Variants in FREM3 observed in about 807,000 individuals in gnomAD.
FREM3 encodes the protein FRAS1 related extracellular matrix 3, also known as FRAS1-related extracellular matrix protein 3.
Under a neutral mutation model 129.1 loss-of-function variants are expected in FREM3, and 105 were observed. The ratio of observed to expected loss-of-function variants is 0.81; its 90% CI spans 0.69 to 0.96. The LOEUF (loss-of-function observed/expected upper bound fraction) is 0.96, where lower values mean the gene tolerates loss of function less well. Among genes scored for constraint, FREM3 ranks in the 40% least tolerant of loss-of-function variants. The pLI is 0.00. For missense variants in FREM3, 2,593 were observed against 2,666.3 expected (o/e 0.97, Z 0.61); for synonymous variants, 1,014 against 1,044.9 (o/e 0.97, Z 0.57).
At chr4:143,619,674 C>T (rs1392747083) in intron 5 of FREM3, among the ~76,000 whole-genome samples, 1 of 152,184 alleles carries the variant, frequency 6.6e-6, no homozygotes, top group Non-Finnish European at 1.5e-5. Flanking sequence ...AAAGCAGACT[C>T]ATGCTTTGTA....
intron 1 of FREM3, among the ~76,000 whole-genome samples, chr4:143,694,596 A>G (rs973362165): frequency 3.3e-5 from 5 of 152,194 alleles, no homozygotes; most frequent in Non-Finnish European, 7.3e-5. Context: ...TATAAGTTTA[A>G]TATTTGAAAA....
intron 6 of FREM3, among the ~76,000 whole-genome samples, chr4:143,589,716 C>T (rs1473635121): frequency 1.1e-4 from 17 of 152,060 alleles, no homozygotes; most frequent in African/African-American, 3.1e-4. Flanking sequence ...ATTGACTTGG[C>T]GATGTGGGCT....
chr4:143,679,828 G>A lies in FREM3; in HGVS notation c.5275+13285C>T, dbSNP rs1395365158. On this transcript the variant is annotated intron_variant, in intron 2 of 7. Coordinates refer to ENST00000329798, the MANE Select transcript of FREM3 (RefSeq NM_001168235.2). Reference sequence around the variant, plus strand: ...CAGGAATAAAAGAACCAAACAAGAAGGACTCATGAGGAAACAAGTTAGCAA... The same window carrying A: ...CAGGAATAAAAGAACCAAACAAGAAAGACTCATGAGGAAACAAGTTAGCAA... 2.0e-5 allele frequency among the ~76,000 whole-genome samples: 3 copies of A among 152,094 alleles called. No individual in the cohort carries two copies. The East Asian group carries it at 5.8e-4, about 29-fold the overall frequency.
intron 6 of FREM3, among the ~76,000 whole-genome samples, chr4:143,589,457 G>A (rs991764065): frequency 4.6e-5 from 7 of 151,974 alleles, no homozygotes; most frequent in Non-Finnish European, 7.4e-5. Context: ...CTTTCTACAT[G>A]TGGCTAGCCA....
At chr4:143,637,322 G>T (rs1262528735) in intron 2 of FREM3, among the ~76,000 whole-genome samples, 1 of 152,114 alleles carries the variant, frequency 6.6e-6, no homozygotes, top group Non-Finnish European at 1.5e-5. Context: ...AGAATTGGCA[G>T]ATTAGGTAAC....
rs1740672707 is a variant in FREM3 at position 143,700,300 on chromosome 4, A to T, written c.376T>A (p.Tyr126Asn). 1.3e-6 allele frequency: 2 copies of T among 1,535,614 alleles called. No individual in the cohort carries two copies. Among genetic ancestry groups the T allele is most frequent in the African/African-American group, 1.4e-5 (1 of 72,980 alleles). Reference protein sequence around the residue: ...PCTFGPRQVQYTHFGSHSPGR... With the variant: ...PCTFGPRQVQNTHFGSHSPGR... The stretch of plus-strand genomic sequence containing the variant: ...GGGCTGTGGGAGCCGAAGTGAGTGT[A>T]CTGGACTTGGCGGGGCCCGAAGGTG... Residue 126 changes from tyrosine to asparagine, a missense_variant, in exon 1 of 8, where the codon TAC (tyrosine) becomes AAC (asparagine). Transcript: ENST00000329798.
chr4:143,622,787 C>A (rs894467747), intron 4 of FREM3, among the ~76,000 whole-genome samples: 3 of 152,184 alleles, frequency 2.0e-5, no homozygotes, highest in Non-Finnish European at 4.4e-5. Context: ...CTGTTTCTAT[C>A]TGCCTTCTAA....
intron 2 of FREM3, among the ~76,000 whole-genome samples, chr4:143,662,786 A>T (rs1739762285): frequency 6.6e-6 from 1 of 151,910 alleles, no homozygotes; most frequent in Admixed American, 6.6e-5. Context: ...GTGTATATAT[A>T]TTTAGGATAG....
intron 2 of FREM3, among the ~76,000 whole-genome samples, chr4:143,686,540 C>T (rs1740367402): frequency 6.6e-6 from 1 of 152,154 alleles, no homozygotes; most frequent in Non-Finnish European, 1.5e-5. Context: ...TTCAACAGCA[C>T]ATGAAACTTT....
chr4:143,673,123 C>T (rs1013746518), intron 2 of FREM3, among the ~76,000 whole-genome samples: 3 of 152,214 alleles, frequency 2.0e-5, no homozygotes, highest in Non-Finnish European at 4.4e-5. Context: ...AGCTTTGTTC[C>T]ACTGCTGGTG....
chr4:143,577,496 C>A lies in FREM3; in HGVS notation c.*115G>T. 1.0e-6 allele frequency: 1 copy of A among 957,672 alleles called. No homozygotes were observed. The highest frequency in any genetic ancestry group is 1.5e-6 in the Non-Finnish European group (1 of 659,386). 59.3% of individuals were successfully genotyped at this position (957,672 alleles called of 1,614,324 possible). A position where few individuals can be genotyped will look rare whatever the true frequency, so the allele number is the denominator to read the frequency against. On this transcript the variant is annotated 3_prime_UTR_variant, in exon 8 of 8. Coordinates refer to ENST00000329798, the MANE Select transcript of FREM3 (RefSeq NM_001168235.2). ...TTCCACATATCACCAGAATATAACA[C>A]CAATGACAGTACAATATCACTGATA...
chr4:143,685,369 CAGCCA>C (rs1368491696), intron 2 of FREM3, among the ~76,000 whole-genome samples: 1 of 152,152 alleles, frequency 6.6e-6, no homozygotes, highest in Non-Finnish European at 1.5e-5. Flanking sequence ...AAGTAATTAT[CAGCCA>C]AGAATTTTGT....
chr4:143,622,779 G>A (rs1281968549), intron 4 of FREM3, among the ~76,000 whole-genome samples: 1 of 152,160 alleles, frequency 6.6e-6, no homozygotes, highest in Non-Finnish European at 1.5e-5. Flanking sequence ...TGGAAAGCCT[G>A]TTTCTATCTG....
intron 2 of FREM3, among the ~76,000 whole-genome samples, chr4:143,644,362 T>C (rs1249378102): frequency 6.6e-6 from 1 of 152,214 alleles, no homozygotes; most frequent in Non-Finnish European, 1.5e-5. Flanking sequence ...TAGTTTTGTA[T>C]ACACTATCCT....
rs375385889 is a variant in FREM3, at chr4:143,697,235, C to A, written c.3441G>T (p.Arg1147Ser). ...SAFSLRDIQV[R>S]HINYVQSIHK... ...GAATACTCTGTACATAATTGATATGCCTCACTTGGATATCTCTGAGGGAGA... is the reference window on the plus strand; with the variant it reads ...GAATACTCTGTACATAATTGATATGACTCACTTGGATATCTCTGAGGGAGA... The change falls in exon 1 of 8, where the codon AGG becomes AGT. Residue 1147 changes from arginine (R) to serine (S), a missense_variant. Physicochemically the swap from Arg to Ser is moderately radical, Grantham distance 110. Coordinates refer to ENST00000329798, the MANE Select transcript of FREM3 (RefSeq NM_001168235.2). The A allele has an allele frequency of 2.8e-5, 43 of 1,537,670 alleles. No individual in the cohort carries two copies. The African/African-American group carries it at 5.5e-4, about 20-fold the overall frequency.
At position 143,696,132 on chromosome 4, in the gene FREM3, A is replaced by G. The variant is rs1740563003; in HGVS notation, c.4544T>C (p.Val1515Ala). 1 of 1,537,458 alleles carries G rather than the reference A, an allele frequency of 6.5e-7. No homozygotes were observed. Among genetic ancestry groups the G allele is most frequent in the Non-Finnish European group, 8.7e-7 (1 of 1,146,984 alleles). Residue 1515 changes from valine to alanine, a missense_variant, in exon 1 of 8, where the codon GTG becomes GCG. Val to Ala is a moderately conservative substitution (Grantham distance 64). Around this residue, in one of 2 missense-constraint regions of FREM3, gnomAD observed 2,276 missense variants for 2,267.2 expected, o/e 1.00. Coordinates refer to ENST00000329798, the MANE Select transcript of FREM3 (RefSeq NM_001168235.2). ...GAACACAGGGTAGAGTTCGCCGATC[A>G]CTTGAAATTCGAAGCTGTCCATCTT... ...EKKMDSFEFQ[V>A]IGELYPVFRT...
intron 2 of FREM3, among the ~76,000 whole-genome samples, chr4:143,667,059 C>A (rs543373632): frequency 7.3e-4 from 111 of 152,174 alleles, no homozygotes; most frequent in African/African-American, 2.5e-3. Context: ...ATTTTGACAT[C>A]TCTGCAATAC....
rs142914119 is a variant in FREM3 at position 143,601,123 on chromosome 4, A to G, written c.6028+10156T>C. 4.6e-5 allele frequency among the ~76,000 whole-genome samples: 7 copies of G among 152,214 alleles called. No homozygotes were observed. In the East Asian group the frequency reaches 7.7e-4, roughly 17 times the overall value. ...TAGCCCTAGAAAGCATAATGATACTATTTCTTCTGAACAGTTTCCTGGGTT... is the reference window on the plus strand; with the variant it reads ...TAGCCCTAGAAAGCATAATGATACTGTTTCTTCTGAACAGTTTCCTGGGTT... On this transcript the variant is annotated intron_variant, in intron 6 of 7. Coordinates refer to ENST00000329798, the MANE Select transcript of FREM3 (RefSeq NM_001168235.2).
intron 2 of FREM3, chr4:143,645,146 C>T (rs971793020): frequency 5.3e-5 from 8 of 152,242 alleles, no homozygotes; most frequent in African/African-American, 1.9e-4. Context: ...CTGTGTGCTC[C>T]GTGAGGATGG....
Sources: allele counts gnomAD v4.1 joint callset (sites outside exome capture counted in the v4.1 genomes callset), GRCh38; gene constraint gnomAD v4.1.1; regional missense constraint gnomAD v4.1.1; transcripts MANE v1.5; gene names NCBI Gene and HGNC (gene_info 2026-07-23, HGNC 2026-07-21).